The following ZCWPW2 variants were observed in gnomAD, a reference collection of about 807,000 sequenced individuals.
ZCWPW2 encodes zinc finger CW-type PWWP domain protein 2.
A neutral mutation model predicts 46.6 loss-of-function variants in ZCWPW2; 45 were observed. The ratio of observed to expected loss-of-function variants is 0.96; its 90% CI spans 0.76 to 1.24. The LOEUF (loss-of-function observed/expected upper bound fraction) is 1.24. Ranked by LOEUF, ZCWPW2 falls within the 50% of genes most tolerant of loss-of-function variation. The pLI is 0.00. For synonymous variants in ZCWPW2, 152 were observed against 137.1 expected (o/e 1.11, Z -0.76); for missense variants, 429 against 403.9 (o/e 1.06, Z -0.53).
chr3:28,518,914 G>C (rs1235605892), intron 8 of ZCWPW2, among the ~76,000 whole-genome samples: 1 of 152,194 alleles, frequency 6.6e-6, no homozygotes, highest in Non-Finnish European at 1.5e-5. Context: ...CTGTCTTAAA[G>C]AGGGCGTTAG....
At chr3:28,470,710 A>T (rs1272997776) in intron 4 of ZCWPW2, among the ~76,000 whole-genome samples, 2 of 152,096 alleles carry the variant, frequency 1.3e-5, no homozygotes, top group African/African-American at 4.8e-5. Context: ...AACAAAACTC[A>T]AACTCAACTG....
intron 5 of ZCWPW2, among the ~76,000 whole-genome samples, chr3:28,481,400 C>T (rs764115570): frequency 5.3e-5 from 8 of 152,034 alleles, no homozygotes; most frequent in Non-Finnish European, 1.0e-4. Context: ...CCCGCCACCA[C>T]GCCCAGCTAA....
At chr3:28,440,951 C>A (rs1169819441) in intron 4 of ZCWPW2, among the ~76,000 whole-genome samples, 1 of 152,186 alleles carries the variant, frequency 6.6e-6, no homozygotes, top group Non-Finnish European at 1.5e-5. Flanking sequence ...ATATCGAAGA[C>A]TCAGTGTTGG....
At chr3:28,442,390 A>G (rs1336158209) in intron 4 of ZCWPW2, among the ~76,000 whole-genome samples, 1 of 152,234 alleles carries the variant, frequency 6.6e-6, no homozygotes, top group African/African-American at 2.4e-5. Context: ...TGTCTCACCA[A>G]TAAGTCCAGT....
At chr3:28,511,389 T>C (rs1700422037) in intron 6 of ZCWPW2, among the ~76,000 whole-genome samples, 1 of 152,186 alleles carries the variant, frequency 6.6e-6, no homozygotes, top group Non-Finnish European at 1.5e-5. Context: ...AAAAATTTTT[T>C]CAAAAATGTT....
At chr3:28,390,744 G>T (rs1184797645) in intron 2 of ZCWPW2, 127 bp downstream of exon 2, 1 of 716,168 alleles carries the variant, frequency 1.4e-6, no homozygotes, top group Non-Finnish European at 1.7e-6. Flanking sequence ...ACTTCTCTAT[G>T]AAATAATAAT....
intron 1 of ZCWPW2, among the ~76,000 whole-genome samples, chr3:28,377,848 G>T (rs1204829404): frequency 6.6e-6 from 1 of 152,024 alleles, no homozygotes; most frequent in Non-Finnish European, 1.5e-5. Context: ...TGATTATTAA[G>T]ATTTGGAGTT....
chr3:28,490,300 C>T (rs948272782), intron 5 of ZCWPW2, among the ~76,000 whole-genome samples: 3 of 152,116 alleles, frequency 2.0e-5, no homozygotes, highest in African/African-American at 7.2e-5. Context: ...TCATTTGACC[C>T]AGCAATCCCA....
At chr3:28,483,548 A>G (rs909508855) in intron 5 of ZCWPW2, among the ~76,000 whole-genome samples, 5 of 152,292 alleles carry the variant, frequency 3.3e-5, no homozygotes, top group African/African-American at 1.2e-4. Flanking sequence ...TATTGGGATT[A>G]TATTGAATTT....
chr3:28,393,447 G>A (rs529867001), intron 2 of ZCWPW2, among the ~76,000 whole-genome samples: 4 of 152,132 alleles, frequency 2.6e-5, no homozygotes, highest in African/African-American at 7.2e-5. Context: ...TACAACATTA[G>A]TGTCACCCTT....
intron 2 of ZCWPW2, among the ~76,000 whole-genome samples, chr3:28,405,272 A>T (rs374176255): frequency 6.6e-6 from 1 of 152,108 alleles, no homozygotes; most frequent in African/African-American, 2.4e-5. Flanking sequence ...CCAAGATATT[A>T]GGAGGTAAAG....
intron 1 of ZCWPW2, among the ~76,000 whole-genome samples, chr3:28,370,442 G>GCAATAGCATGAGATGC (rs1705287542): frequency 6.6e-6 from 1 of 152,134 alleles, no homozygotes; most frequent in Non-Finnish European, 1.5e-5. Context: ...CTAGCTACAA[G>GCAATAGCATGAGATGC]CAATAGCATG....
intron 1 of ZCWPW2, among the ~76,000 whole-genome samples, chr3:28,389,250 C>T (rs1424880037): frequency 6.6e-6 from 1 of 152,146 alleles, no homozygotes; most frequent in Non-Finnish European, 1.5e-5. Flanking sequence ...ATATAAGGGT[C>T]CCCTTCAGGG....
At chr3:28,382,999 G>C (rs1695155412) in intron 1 of ZCWPW2, among the ~76,000 whole-genome samples, 1 of 152,088 alleles carries the variant, frequency 6.6e-6, no homozygotes, top group Admixed American at 6.6e-5. Context: ...TTAAGGTTTT[G>C]CCAAGGTTTT....
chr3:28,511,396 T>G (rs890714598), intron 6 of ZCWPW2, among the ~76,000 whole-genome samples: 4 of 152,184 alleles, frequency 2.6e-5, no homozygotes, highest in Non-Finnish European at 5.9e-5. Flanking sequence ...TTTTCAAAAA[T>G]GTTAGCAGCA....
chr3:28,357,797 T>TTATATATATATATATATATATA (rs3068920), intron 1 of ZCWPW2, among the ~76,000 whole-genome samples: 34 of 140,406 alleles, frequency 2.4e-4, no homozygotes, highest in African/African-American at 8.2e-4. Flanking sequence ...TTGGTATATT[T>TTATATATATATATATATATATA]TATATATATA....
chr3:28,524,842 T>G lies in ZCWPW2; in HGVS notation c.*154T>G. 1 of 579,714 alleles carries G rather than the reference T, an allele frequency of 1.7e-6. No individual in the cohort carries two copies. Among genetic ancestry groups the G allele is most frequent in the East Asian group, 4.0e-5 (1 of 25,156 alleles). 35.9% of individuals were successfully genotyped at this position (579,714 alleles called of 1,614,324 possible). ...CTACTTCATATTTTGAGAATGGCCA[T>G]GATTTTTAGAGCCAGTCAAATGGTA... On this transcript the variant is annotated 3_prime_UTR_variant, in exon 10 of 10. Transcript: ENST00000383768.
intron 4 of ZCWPW2, among the ~76,000 whole-genome samples, chr3:28,453,851 T>C: frequency 6.8e-6 from 1 of 148,046 alleles, no homozygotes; most frequent in African/African-American, 2.5e-5. Context: ...TTTTTATTAT[T>C]ATTTTTTTTT....
rs1262543021 is a variant in ZCWPW2 at position 28,417,462 on chromosome 3, T to C, written c.332+4062T>C. On this transcript the variant is annotated intron_variant, in intron 3 of 9. Transcript: ENST00000383768. ...CAAGGAGGACCTGGTACCATTCCTT[T>C]TGAAACTATTCCAATCAATAGAAAA... Among the ~76,000 whole-genome samples, 5 of 152,206 alleles carry C rather than the reference T, an allele frequency of 3.3e-5. No individual in the cohort carries two copies. In the South Asian group the frequency reaches 8.3e-4, roughly 25 times the overall value.
Sources: allele counts gnomAD v4.1 joint callset (sites outside exome capture counted in the v4.1 genomes callset), GRCh38; gene constraint gnomAD v4.1.1; transcripts MANE v1.5; gene names NCBI Gene and HGNC (gene_info 2026-07-23, HGNC 2026-07-21).